Variants in CES5A observed in about 807,000 individuals in gnomAD.
CES5A encodes the protein carboxylesterase 5A.
Under a neutral mutation model 62.9 loss-of-function variants are expected in CES5A, and 67 were observed. The observed-to-expected ratio is 1.07, with a 90% CI of 0.88 to 1.31. The LOEUF is 1.31. Among genes scored for constraint, CES5A ranks in the 50% most tolerant of loss-of-function variants. The pLI, the probability that CES5A is intolerant of heterozygous loss-of-function variation, is 0.00. For missense variants in CES5A, 748 were observed against 708.5 expected, an observed-to-expected ratio of 1.06 and a Z score of -0.63; for synonymous variants, 296 against 280.8, an observed-to-expected ratio of 1.05 and a Z score of -0.54.
chr16:55,896,658 G>A (rs1170415400), intron 1 of CES5A, among the ~76,000 whole-genome samples: 1 of 152,222 alleles, frequency 6.6e-6, no homozygotes, highest in Non-Finnish European at 1.5e-5. Flanking sequence ...CTGACTCTTG[G>A]CCAGTGTCTT....
intron 1 of CES5A, chr16:55,925,211 A>G (rs549051907): frequency 6.6e-6 from 1 of 152,244 alleles, no homozygotes; most frequent in South Asian, 2.1e-4. Context: ...ATCTGAGTAG[A>G]CATTTCCAAA....
chr16:55,850,390 C>T (rs886419982), intron 10 of CES5A, among the ~76,000 whole-genome samples: 1 of 152,214 alleles, frequency 6.6e-6, no homozygotes, highest in African/African-American at 2.4e-5. Flanking sequence ...ATTGGCCCCA[C>T]TTCTCAGCTT....
At chr16:55,894,498 C>CAAAAAAAAAAAAAAAA (rs370359945) in intron 1 of CES5A, among the ~76,000 whole-genome samples, 2 of 102,970 alleles carry the variant, frequency 1.9e-5, no homozygotes, top group South Asian at 3.5e-4. Context: ...AACTCTGTCT[C>CAAAAAAAAAAAAAAAA]AAAAAAAAAA....
chr16:55,932,293 C>G (rs2142470128), intron 2 of CES5A, among the ~76,000 whole-genome samples: 1 of 152,216 alleles, frequency 6.6e-6, no homozygotes, highest in East Asian at 1.9e-4. Context: ...TTTTGAACTT[C>G]CCAACCTCCA....
chr16:55,920,408 G>A (rs1011064723), intron 1 of CES5A, among the ~76,000 whole-genome samples: 17 of 152,130 alleles, frequency 1.1e-4, no homozygotes, highest in African/African-American at 3.9e-4. Context: ...AAAAAGGGGA[G>A]GCAAGACCTA....
At chr16:55,867,446 C>T (rs1401209224) in intron 4 of CES5A, among the ~76,000 whole-genome samples, 4 of 152,164 alleles carry the variant, frequency 2.6e-5, no homozygotes, top group South Asian at 2.1e-4. Flanking sequence ...ATGCAGTGCA[C>T]GTCACCCTGG....
At chr16:55,948,259 G>GA (rs1314904638) in intron 2 of CES5A, among the ~76,000 whole-genome samples, 1 of 151,352 alleles carries the variant, frequency 6.6e-6, no homozygotes, top group African/African-American at 2.4e-5. Flanking sequence ...AGAAAGGAGG[G>GA]AAAAAAAAGA....
chr16:55,866,946 C>A (rs1307595493), intron 4 of CES5A, among the ~76,000 whole-genome samples: 1 of 152,164 alleles, frequency 6.6e-6, no homozygotes, highest in Non-Finnish European at 1.5e-5. Flanking sequence ...CTCCTACAAC[C>A]CTCACACCTA....
rs1373923223 is a variant in CES5A, at chr16:55,864,425, C to T, written c.706-973G>A. 1.3e-3 allele frequency among the ~76,000 whole-genome samples: 196 copies of T among 152,318 alleles called. 2 individuals carry two copies. Among genetic ancestry groups the T allele is most frequent in the African/African-American group, 4.3e-3 (179 of 41,576 alleles). On this transcript the variant is annotated intron_variant, in intron 5 of 12. Coordinates refer to ENST00000290567, the MANE Select transcript of CES5A (RefSeq NM_001143685.2). ...TAACACCTCTGTACATTTCTCTTCT[C>T]ACCAGTTTCTTGCCAAGAATCAGGT...
chr16:55,848,039 G>A (rs1157268943), intron 11 of CES5A, among the ~76,000 whole-genome samples: 1 of 151,984 alleles, frequency 6.6e-6, no homozygotes, highest in Non-Finnish European at 1.5e-5. Flanking sequence ...GCCTCCCAAA[G>A]TGATGGCATT....
intron 1 of CES5A, among the ~76,000 whole-genome samples, chr16:55,891,596 A>T (rs1289699322): frequency 6.6e-6 from 1 of 152,180 alleles, no homozygotes; most frequent in African/African-American, 2.4e-5. Flanking sequence ...ACAGACAAAC[A>T]GTTGCATTCT....
intron 8 of CES5A, among the ~76,000 whole-genome samples, chr16:55,859,039 T>G: frequency 6.6e-6 from 1 of 152,362 alleles, no homozygotes; most frequent in South Asian, 2.1e-4. Flanking sequence ...AAAGCTCATA[T>G]GCTCAGTTTT....
chr16:55,896,171 A>G (rs1312920760), intron 1 of CES5A, among the ~76,000 whole-genome samples: 4 of 152,206 alleles, frequency 2.6e-5, no homozygotes, highest in Non-Finnish European at 5.9e-5. Context: ...GGCAGGCAAG[A>G]GAGAGAGCAT....
intron 1 of CES5A, among the ~76,000 whole-genome samples, chr16:55,884,796 T>G (rs779013236): frequency 2.6e-5 from 4 of 152,130 alleles, no homozygotes; most frequent in Non-Finnish European, 5.9e-5. Context: ...CTCCTTATGT[T>G]GCCCAGGTTG....
intron 10 of CES5A, among the ~76,000 whole-genome samples, chr16:55,850,157 T>C (rs1408023629): frequency 6.6e-6 from 1 of 152,262 alleles, no homozygotes; most frequent in Non-Finnish European, 1.5e-5. Context: ...AATTGTACTA[T>C]GAATATTTTC....
rs138240366 is a variant in CES5A, at chr16:55,869,223, C to A, written c.551+388G>T. Among the ~76,000 whole-genome samples the A allele has an allele frequency of 2.1e-3, 326 of 152,276 alleles. 11 individuals are homozygous for A. In the South Asian group the frequency reaches 0.034, roughly 16 times the overall value. On this transcript the variant is annotated intron_variant, in intron 4 of 12. Coordinates refer to ENST00000290567, the MANE Select transcript of CES5A (RefSeq NM_001143685.2). ...GAACAGAAGTGACAAGTGCCACCTG[C>A]AGGCTGGGCCAGGAGACCCTCCATT...
Position 55,883,245 on chromosome 16 carries a change from C to A in CES5A, c.-255-9208G>T, listed in dbSNP as rs565443238. On this transcript the variant is annotated intron_variant, in intron 1 of 12. Coordinates refer to the CES5A transcript ENST00000518005. ...AATGGAATTGTGAAAGGCACCACCACCATTGCATCTTTTTTTTGTTTTTTG... is the reference window on the plus strand; with the variant it reads ...AATGGAATTGTGAAAGGCACCACCAACATTGCATCTTTTTTTTGTTTTTTG... Among the ~76,000 whole-genome samples, 5 of 152,174 alleles carry A rather than the reference C, an allele frequency of 3.3e-5. 1 individual carries two copies. The South Asian group carries it at 1.0e-3, about 32-fold the overall frequency.
At position 55,915,367 on chromosome 16, in the gene CES5A, G is replaced by A. The variant is rs144741767; in HGVS notation, c.-256+9956C>T. On this transcript the variant is annotated intron_variant, in intron 1 of 12. Coordinates refer to the CES5A transcript ENST00000518005. ...CTTTCATCCTGGGCCAGGGAAGCGG[G>A]AGGAAAAGAAGGAGGGAAAGGAGAG... 1.7e-3 allele frequency among the ~76,000 whole-genome samples: 264 copies of A among 152,310 alleles called. 2 individuals are homozygous for A. The highest frequency in any genetic ancestry group is 6.1e-3 in the African/African-American group (253 of 41,558).
At chr16:55,850,711 G>A (rs1585145) in intron 10 of CES5A, among the ~76,000 whole-genome samples, 145,905 of 152,312 alleles carry the variant, frequency 0.96, 70,038 homozygotes, top group East Asian at 1. Flanking sequence ...TTGTTTGAAC[G>A]TCAGTTTTCA....
Sources: allele counts gnomAD v4.1 joint callset (sites outside exome capture counted in the v4.1 genomes callset), GRCh38; gene constraint gnomAD v4.1.1; transcripts MANE v1.5; gene names NCBI Gene and HGNC (gene_info 2026-07-23, HGNC 2026-07-21).